Variants in SLC4A4 observed in about 807,000 individuals in gnomAD.
SLC4A4 encodes the protein solute carrier family 4 member 4, also known as electrogenic sodium bicarbonate cotransporter 1.
In SLC4A4, 27 loss-of-function variants were observed where a neutral mutation model predicts 111.5. That is an observed-to-expected ratio of 0.24 (90% CI 0.18 to 0.33). The LOEUF is 0.33. Among genes scored for constraint, SLC4A4 ranks in the 10% least tolerant of loss-of-function variants. The probability of loss-of-function intolerance (pLI) is 1.00; values close to 1 mark genes in which losing one functional copy is unlikely to be tolerated. For missense variants in SLC4A4, 909 were observed against 1,315.5 expected (o/e 0.69, Z 4.78); for synonymous variants, 443 against 463.4 (o/e 0.96, Z 0.57).
intron 1 of SLC4A4, among the ~76,000 whole-genome samples, chr4:71,201,488 A>G (rs1295786639): frequency 6.6e-6 from 1 of 152,220 alleles, no homozygotes; most frequent in Non-Finnish European, 1.5e-5. Context: ...GCTGCACAGC[A>G]CAGCACCAAA....
intron 3 of SLC4A4, among the ~76,000 whole-genome samples, chr4:71,268,920 GCTTTCATACACAGAACC>G (rs1376724574): frequency 6.6e-6 from 1 of 152,212 alleles, no homozygotes; most frequent in East Asian, 1.9e-4. Flanking sequence ...ACATATAGAA[GCTTTCATACACAGAACC>G]CTAACTGTTC....
chr4:71,412,611 A>G (rs1464912281), intron 7 of SLC4A4, among the ~76,000 whole-genome samples: 3 of 152,234 alleles, frequency 2.0e-5, no homozygotes, highest in Non-Finnish European at 2.9e-5. Flanking sequence ...TCAGGACTAC[A>G]GAAAGAAACA....
chr4:71,115,064 T>C (rs890992502), intron 2 of SLC4A4, among the ~76,000 whole-genome samples: 2 of 147,702 alleles, frequency 1.4e-5, no homozygotes, highest in African/African-American at 5.0e-5. Context: ...GAAATCATCA[T>C]TCTCAGTAAA....
In SLC4A4 at chr4:71,466,591, T is replaced by C. The variant is rs570879186; in HGVS notation, c.1631+14T>C. On this transcript the variant is annotated intron_variant, in intron 13 of 25. Transcript: ENST00000264485. ...TAATTTCAGCAAGTATGTACATACA[T>C]ATTTAATTGCAAATTAGAATTGCTT... 6 of 1,612,166 alleles carry C rather than the reference T, an allele frequency of 3.7e-6. No homozygotes were observed. In the East Asian group the frequency reaches 8.9e-5, roughly 24 times the overall value.
intron 1 of SLC4A4, among the ~76,000 whole-genome samples, chr4:71,217,867 TG>T (rs1459811685): frequency 1.3e-5 from 2 of 152,208 alleles, no homozygotes; most frequent in African/African-American, 4.8e-5. Context: ...GGCTGGAATG[TG>T]GTAGTGACAG....
intron 3 of SLC4A4, among the ~76,000 whole-genome samples, chr4:71,328,453 G>A (rs181026093): frequency 1.8e-4 from 27 of 152,110 alleles, no homozygotes; most frequent in East Asian, 9.7e-4. Context: ...GTGTATGAGC[G>A]TTCCCTTTTC....
intron 3 of SLC4A4, among the ~76,000 whole-genome samples, chr4:71,257,366 G>A (rs750879500): frequency 8.5e-5 from 13 of 152,168 alleles, no homozygotes; most frequent in Non-Finnish European, 1.2e-4. Context: ...GCTGATCAAT[G>A]TTATACACTA....
intron 6 of SLC4A4, among the ~76,000 whole-genome samples, chr4:71,366,904 A>C (rs1471913687): frequency 1.3e-5 from 2 of 152,228 alleles, no homozygotes; most frequent in African/African-American, 2.4e-5. Flanking sequence ...CAATGTAAGT[A>C]ATGGATGCTG....
chr4:71,331,489 C>G (rs1348847540), intron 3 of SLC4A4, among the ~76,000 whole-genome samples: 1 of 151,338 alleles, frequency 6.6e-6, no homozygotes, highest in Non-Finnish European at 1.5e-5. Flanking sequence ...GGACAGAAAA[C>G]CAAACACCAC....
chr4:71,524,812 A>G (rs1303643319), intron 16 of SLC4A4, among the ~76,000 whole-genome samples: 1 of 152,034 alleles, frequency 6.6e-6, no homozygotes, highest in Admixed American at 6.6e-5. Context: ...GCTGTTTAGC[A>G]TTTTCCAAGC....
At chr4:71,248,618 C>T (rs1248972383) in intron 2 of SLC4A4, among the ~76,000 whole-genome samples, 1 of 151,974 alleles carries the variant, frequency 6.6e-6, no homozygotes, top group Non-Finnish European at 1.5e-5. Context: ...AGGTAGATTC[C>T]TGAAGTAACT....
chr4:71,524,947 G>C (rs138417432), intron 16 of SLC4A4, among the ~76,000 whole-genome samples: 2 of 152,020 alleles, frequency 1.3e-5, no homozygotes, highest in African/African-American at 4.8e-5. Flanking sequence ...TAGACTCATG[G>C]CCCTTTCCCT....
At chr4:71,375,305 C>G (rs1275118558) in intron 6 of SLC4A4, among the ~76,000 whole-genome samples, 1 of 152,184 alleles carries the variant, frequency 6.6e-6, no homozygotes, top group Non-Finnish European at 1.5e-5. Context: ...CAAGGCCTAA[C>G]CCATAGTGAA....
intron 14 of SLC4A4, among the ~76,000 whole-genome samples, chr4:71,478,827 G>GT (rs934106583): frequency 2.2e-4 from 34 of 151,722 alleles, no homozygotes; most frequent in Non-Finnish European, 3.7e-4. Flanking sequence ...AAAATGTATT[G>GT]TTTTTTAAAA....
intron 1 of SLC4A4, among the ~76,000 whole-genome samples, chr4:71,188,440 T>C (rs1745590841): frequency 6.6e-6 from 1 of 152,230 alleles, no homozygotes; most frequent in South Asian, 2.1e-4. Context: ...TTTCTTTTCC[T>C]GGTTCGCTTC....
intron 1 of SLC4A4, among the ~76,000 whole-genome samples, chr4:71,228,180 C>T (rs1400819536): frequency 6.6e-6 from 1 of 152,212 alleles, no homozygotes; most frequent in Non-Finnish European, 1.5e-5. Flanking sequence ...AGTCTCCATT[C>T]TCCTATCAAT....
At chr4:71,477,763 G>A (rs1728502064) in intron 14 of SLC4A4, among the ~76,000 whole-genome samples, 1 of 151,768 alleles carries the variant, frequency 6.6e-6, no homozygotes, top group South Asian at 2.1e-4. Flanking sequence ...TTTCTCTTCT[G>A]TCCTCTGTCC....
intron 6 of SLC4A4, among the ~76,000 whole-genome samples, chr4:71,367,787 C>T (rs943936139): frequency 6.6e-6 from 1 of 152,204 alleles, no homozygotes; most frequent in African/African-American, 2.4e-5. Context: ...TTATTTACAG[C>T]TTTTAAACAC....
At chr4:71,257,551 T>C (rs1177105539) in intron 3 of SLC4A4, among the ~76,000 whole-genome samples, 1 of 152,150 alleles carries the variant, frequency 6.6e-6, no homozygotes, top group Admixed American at 6.5e-5. Context: ...CCCCATGATT[T>C]TGGGGGAAGC....
Sources: gnomAD v4.1 joint callset for allele counts (sites outside exome capture counted in the v4.1 genomes callset) on GRCh38, gnomAD v4.1.1 for gene constraint, MANE v1.5 for transcripts, NCBI Gene and HGNC (gene_info 2026-07-23, HGNC 2026-07-21) for gene names.